The following MACF1 variants were observed in gnomAD, a reference collection of about 807,000 sequenced individuals.
MACF1 encodes microtubule actin crosslinking factor 1.
MACF1 carries 193 observed loss-of-function variants against 854.8 expected under a neutral mutation model. The ratio of observed to expected loss-of-function variants is 0.23; its 90% confidence interval spans 0.20 to 0.25. The LOEUF is 0.25. Among genes scored for constraint, MACF1 ranks in the 10% least tolerant of loss-of-function variants. MACF1 has a pLI of 1.00. For missense variants in MACF1, 7,722 were observed against 8,929.1 expected, an observed-to-expected ratio of 0.86 and a Z score of 5.45; for synonymous variants, 3,185 against 3,226.7, an observed-to-expected ratio of 0.99 and a Z score of 0.44.
intron 2 of MACF1, among the ~76,000 whole-genome samples, chr1:39,169,524 G>A (rs1277585549): frequency 6.6e-6 from 1 of 151,038 alleles, no homozygotes; most frequent in Non-Finnish European, 1.5e-5. Context: ...AGGATTGCTT[G>A]AAGCCCAGGA....
rs770925555 is a variant in MACF1, at chr1:39,421,801, G to A, written c.15817-573G>A. ...TTAAAAATTAAGCAACAGGCCGGGCGCGGTGGCTCACGCCTGTAATCCCAG... is the reference window on the plus strand; with the variant it reads ...TTAAAAATTAAGCAACAGGCCGGGCACGGTGGCTCACGCCTGTAATCCCAG... On this transcript the variant is annotated intron_variant, in intron 58 of 100. Coordinates refer to ENST00000564288, the MANE Select transcript of MACF1 (RefSeq NM_001394062.1). 3.9e-5 allele frequency among the ~76,000 whole-genome samples: 6 copies of A among 152,098 alleles called. No homozygotes were observed. In the East Asian group the frequency reaches 5.8e-4, roughly 15 times the overall value.
At position 39,358,819 on chromosome 1, in the gene MACF1, A is replaced by C. The variant is rs760643993; in HGVS notation, c.12066A>C (p.Ser4022=). The C allele has an allele frequency of 6.2e-7, 1 of 1,613,634 alleles. No homozygotes were observed. The change falls in exon 46 of 101, where the codon TCA becomes TCC. Residue 4022 remains serine, a synonymous_variant. Coordinates refer to ENST00000564288, the MANE Select transcript of MACF1 (RefSeq NM_001394062.1). ...ACEANVEKLL[S]DTVASDPGVL... is the part of the protein sequence containing the mutation. ...AGGCCAACGTGGAGAAGCTCCTCTC[A>C]GATACTGTTGCCTCTGACCCTGGAG...
chr1:39,427,920 A>G (rs768865407), intron 62 of MACF1, 41 bp from the exon 63 acceptor site: 9 of 1,428,798 alleles, frequency 6.3e-6, no homozygotes, highest in Non-Finnish European at 8.7e-6. Flanking sequence ...CTTTTCATTT[A>G]TTTTGTTTCT....
At position 39,336,288 on chromosome 1, in the gene MACF1, C is replaced by T. The variant is rs1410122281; in HGVS notation, c.9700C>T (p.Leu3234=). ...TLKSEIATQE[L]TGEKFLEMAN... ...CAAATCTGAAATAGCAACACAGGAA[C>T]TAACTGGAGAGAAATTTCTAGAAAT... Residue 3234 remains leucine (L), a synonymous_variant, in exon 37 of 101, where the codon CTA becomes TTA. Transcript: ENST00000564288. The T allele has an allele frequency of 3.1e-6, 5 of 1,614,002 alleles. No individual in the cohort carries two copies. The highest frequency in any genetic ancestry group is 4.2e-6 in the Non-Finnish European group (5 of 1,180,024).
At chr1:39,477,121 T>A in intron 97 of MACF1, among the ~76,000 whole-genome samples, 1 of 36,792 alleles carries the variant, frequency 2.7e-5, no homozygotes, top group Non-Finnish European at 5.1e-5. Flanking sequence ...ACTTAGTGTA[T>A]ATATATATAT....
In MACF1 at chr1:39,486,283, A is replaced by C. The variant is rs1161720533; in HGVS notation, c.*489A>C. On this transcript the variant is annotated 3_prime_UTR_variant, in exon 101 of 101. Transcript: ENST00000564288. ...ACCTCAATTAGCAAGAACTGAGGGG[A>C]GGGCTTTTTCCATTGTTTAATGTTT... 6.6e-6 allele frequency: 1 copy of C among 152,600 alleles called. No individual in the cohort carries two copies. Among genetic ancestry groups the C allele is most frequent in the Admixed American group, 6.6e-5 (1 of 15,264 alleles). 9.5% of individuals were successfully genotyped at this position (152,600 alleles called of 1,614,324 possible).
chr1:39,300,008 C>T (rs906815681), intron 21 of MACF1, among the ~76,000 whole-genome samples: 13 of 152,132 alleles, frequency 8.5e-5, no homozygotes, highest in Admixed American at 7.2e-4. Flanking sequence ...AGTTTGAGTG[C>T]GAAAGCACTT....
chr1:39,363,850 G>T (rs1569715551), intron 49 of MACF1, among the ~76,000 whole-genome samples: 1 of 152,058 alleles, frequency 6.6e-6, no homozygotes, highest in South Asian at 2.1e-4. Flanking sequence ...GACCTCAAGT[G>T]ATCTGCCCGC....
chr1:39,195,897 A>G (rs1350901394), intron 2 of MACF1, among the ~76,000 whole-genome samples: 1 of 152,190 alleles, frequency 6.6e-6, no homozygotes, highest in African/African-American at 2.4e-5. Flanking sequence ...GAGATTAGAC[A>G]GATTAGGTAA....
rs781113927 is a variant in MACF1, at chr1:39,293,663, C to T, written c.2154+44C>T. 6 of 1,572,736 alleles carry T rather than the reference C, an allele frequency of 3.8e-6. No individual in the cohort carries two copies. The East Asian group carries it at 1.4e-4, about 35-fold the overall frequency. ...CAGGCCTGTCATACTTATTTAACAG[C>T]AGCAGAAGGAGACAGGGCCTAGTCT... On this transcript the variant is annotated intron_variant, in intron 18 of 100. Transcript: ENST00000564288.
intron 36 of MACF1, 64 bp downstream of exon 36, chr1:39,327,417 T>C: frequency 6.7e-7 from 1 of 1,492,416 alleles, no homozygotes; most frequent in Non-Finnish European, 9.1e-7. Context: ...AAGGCAGCTT[T>C]GCTGATTCAG....
chr1:39,463,797 G>A (rs1313155909), intron 94 of MACF1, 111 bp downstream of exon 94: 3 of 899,726 alleles, frequency 3.3e-6, no homozygotes, highest in African/African-American at 1.7e-5. Context: ...TTGAGATGTG[G>A]TCACTCTCTG....
At position 39,464,045 on chromosome 1, in the gene MACF1, G is replaced by A. The variant is rs116062904; in HGVS notation, c.21753+359G>A. 882 of 213,054 alleles carry A rather than the reference G, an allele frequency of 4.1e-3. 1 individual carries two copies. The highest frequency in any genetic ancestry group is 7.0e-3 in the Non-Finnish European group (717 of 102,116). 13.2% of individuals were successfully genotyped at this position (213,054 alleles called of 1,614,324 possible). On this transcript the variant is annotated intron_variant, in intron 94 of 100. Transcript: ENST00000564288. ...TCATTGTGAGCCTGAGTGGCTCCCA[G>A]GCTAGAGAGGCCTGGGGAAACTGTG... is the stretch of plus-strand genomic sequence containing the variant.
At chr1:39,133,258 C>T (rs12354321) in intron 2 of MACF1, among the ~76,000 whole-genome samples, 4,688 of 152,198 alleles carry the variant, frequency 0.031, 228 homozygotes, top group African/African-American at 0.11. Context: ...CAAGCAGCGC[C>T]GCCTGTGGAC....
intron 2 of MACF1, among the ~76,000 whole-genome samples, chr1:39,088,602 A>C (rs1641733718): frequency 6.6e-6 from 1 of 152,194 alleles, no homozygotes; most frequent in Non-Finnish European, 1.5e-5. Context: ...GTCTTTAGTG[A>C]AGAGCAGTAG....
intron 58 of MACF1, among the ~76,000 whole-genome samples, chr1:39,421,398 C>G (rs926597680): frequency 1.1e-4 from 17 of 152,104 alleles, no homozygotes; most frequent in African/African-American, 3.9e-4. Context: ...GAGTGTGTGT[C>G]TGAAGTTATT....
intron 88 of MACF1, among the ~76,000 whole-genome samples, 196 bp from the exon 89 acceptor site, chr1:39,454,713 T>C (rs1252310600): frequency 6.6e-6 from 1 of 151,516 alleles, no homozygotes; most frequent in Admixed American, 6.6e-5. Context: ...GGCAGGAGAG[T>C]CACTTGAACC....
chr1:39,213,597 A>G (rs1371357448), intron 1 of MACF1, among the ~76,000 whole-genome samples: 1 of 152,172 alleles, frequency 6.6e-6, no homozygotes, highest in African/African-American at 2.4e-5. Flanking sequence ...TTGGCCTCCT[A>G]AAGTGCTAGG....
chr1:39,218,726 A>T (rs1024150835), intron 1 of MACF1, among the ~76,000 whole-genome samples: 1 of 152,158 alleles, frequency 6.6e-6, no homozygotes, highest in African/African-American at 2.4e-5. Flanking sequence ...TAATAGTCCA[A>T]AGAATTATCA....
Sources: gnomAD v4.1 joint callset for allele counts (sites outside exome capture counted in the v4.1 genomes callset) on GRCh38, gnomAD v4.1.1 for gene constraint, MANE v1.5 for transcripts, NCBI Gene and HGNC (gene_info 2026-07-23, HGNC 2026-07-21) for gene names.